Variants in ASB5 observed in about 807,000 individuals in gnomAD.
The protein encoded by ASB5 is ankyrin repeat and SOCS box containing 5, also known as ankyrin repeat and SOCS box protein 5.
ASB5 carries 45 observed loss-of-function variants against 42.1 expected under a neutral mutation model. The ratio of observed to expected loss-of-function variants is 1.07; its 90% CI spans 0.84 to 1.37. The LOEUF is 1.37. ASB5 is among the 40% of genes most tolerant of loss of function. ASB5 has a pLI of 0.00. For synonymous variants in ASB5, 147 were observed against 150.6 expected (o/e 0.98, Z 0.18); for missense variants, 402 against 399.8 (o/e 1.01, Z -0.05).
chr4:176,228,058 A>G (rs907664218), intron 1 of ASB5, among the ~76,000 whole-genome samples: 2 of 152,240 alleles, frequency 1.3e-5, no homozygotes, highest in African/African-American at 4.8e-5. Flanking sequence ...TCCATGCTAA[A>G]TTGTAAGTAA....
At chr4:176,274,569 C>T (rs1324869282) in intron 2 of ASB5, among the ~76,000 whole-genome samples, 1 of 152,140 alleles carries the variant, frequency 6.6e-6, no homozygotes. Context: ...GGTTATTATT[C>T]AGATGTTAGT....
chr4:176,248,808 T>A (rs1387295057), intron 1 of ASB5, among the ~76,000 whole-genome samples: 3 of 152,118 alleles, frequency 2.0e-5, no homozygotes, highest in Admixed American at 6.6e-5. Flanking sequence ...GCATAGGAGC[T>A]GAAACTAAAG....
At position 176,264,631 on chromosome 4, in the gene ASB5, C is replaced by A. The variant is rs183935041; in HGVS notation, c.196+4282G>T. Among the ~76,000 whole-genome samples, 35 of 152,228 alleles carry A rather than the reference C, an allele frequency of 2.3e-4. 1 individual carries two copies. In the East Asian group the frequency reaches 6.8e-3, roughly 29 times the overall value. On this transcript the variant is annotated intron_variant, in intron 1 of 6. Transcript: ENST00000296525. ...TTTCCCAGTAGGGATAGGTATGTAA[C>A]CTACCAGACTCACCAAGCTCTAAGG...
chr4:176,230,905 T>C (rs1753524938), intron 1 of ASB5, among the ~76,000 whole-genome samples: 1 of 152,220 alleles, frequency 6.6e-6, no homozygotes. Flanking sequence ...ATTTAACTCT[T>C]TAGGATAAAT....
Position 176,219,575 on chromosome 4 carries a change from G to GATATATAT in ASB5, c.670+1572_670+1579dup, listed in dbSNP as rs71597433. On this transcript the variant is annotated intron_variant, in intron 5 of 6. Coordinates refer to ENST00000296525, the MANE Select transcript of ASB5 (RefSeq NM_080874.4). Reference sequence around the variant, plus strand: ...TATATAAATATGTATATATTTGTATGATATATATATATATATATATATATA... The same window carrying GATATATAT: ...TATATAAATATGTATATATTTGTATGATATATATATATATATATATATATATATATATA... Among the ~76,000 whole-genome samples the GATATATAT allele has an allele frequency of 6.7e-4, 4 of 6,004 alleles. 1 individual carries two copies. Among genetic ancestry groups the GATATATAT allele is most frequent in the Non-Finnish European group, 6.3e-4 (2 of 3,156 alleles). 3.9% of individuals were successfully genotyped at this position (6,004 alleles called of 152,430 possible).
chr4:176,242,347 A>G (rs191167414), intron 1 of ASB5, among the ~76,000 whole-genome samples: 60 of 152,262 alleles, frequency 3.9e-4, no homozygotes, highest in African/African-American at 1.4e-3. Flanking sequence ...TTCCACCTGT[A>G]ATGCTTGGTA....
exon 1 of ASB5, chr4:176,277,406 C>G (rs918359481): frequency 2.6e-5 from 4 of 152,192 alleles, no homozygotes; most frequent in Non-Finnish European, 4.4e-5. Flanking sequence ...TTAAACTCAT[C>G]AGCTGACACA....
chr4:176,236,290 A>T (rs1753682888), intron 1 of ASB5, among the ~76,000 whole-genome samples: 1 of 152,054 alleles, frequency 6.6e-6, no homozygotes, highest in Non-Finnish European at 1.5e-5. Context: ...TTATTTCTTT[A>T]ATAATTGCAT....
At chr4:176,253,963 G>T (rs759042331) in intron 1 of ASB5, among the ~76,000 whole-genome samples, 1 of 152,162 alleles carries the variant, frequency 6.6e-6, no homozygotes, top group Admixed American at 6.5e-5. Flanking sequence ...AATCAGTATC[G>T]TTAAAATGGC....
intron 1 of ASB5, chr4:176,249,621 G>C (rs1309521034): frequency 6.6e-6 from 1 of 152,090 alleles, no homozygotes; most frequent in Non-Finnish European, 1.5e-5. Context: ...GAAGTAACAG[G>C]GCATCCGAGA....
intron 2 of ASB5, among the ~76,000 whole-genome samples, chr4:176,223,587 T>C (rs571533915): frequency 6.6e-6 from 1 of 152,322 alleles, no homozygotes; most frequent in African/African-American, 2.4e-5. Context: ...TCATAACATA[T>C]TACAGATCAC....
chr4:176,260,178 G>T (rs1287559091), intron 1 of ASB5, among the ~76,000 whole-genome samples: 2 of 152,128 alleles, frequency 1.3e-5, no homozygotes, highest in Non-Finnish European at 2.9e-5. Flanking sequence ...AACTTATGAA[G>T]ATTTATGAAA....
At chr4:176,231,137 C>T (rs1320100323) in intron 1 of ASB5, among the ~76,000 whole-genome samples, 3 of 152,026 alleles carry the variant, frequency 2.0e-5, no homozygotes, top group Admixed American at 6.6e-5. Context: ...TATATCTATG[C>T]GATTTTGTAA....
chr4:176,248,841 T>C (rs1753962922), intron 1 of ASB5, among the ~76,000 whole-genome samples: 1 of 152,224 alleles, frequency 6.6e-6, no homozygotes, highest in Non-Finnish European at 1.5e-5. Flanking sequence ...ATGATTACTA[T>C]AAAAACTAGT....
intron 1 of ASB5, among the ~76,000 whole-genome samples, chr4:176,266,788 T>C (rs184367672): frequency 1.6e-3 from 246 of 152,280 alleles, no homozygotes; most frequent in Middle Eastern, 0.014. Context: ...TTCCATTTTA[T>C]ATTTCCAGGA....
At chr4:176,251,899 C>T (rs1488638736) in intron 1 of ASB5, among the ~76,000 whole-genome samples, 1 of 150,898 alleles carries the variant, frequency 6.6e-6, no homozygotes, top group Admixed American at 6.6e-5. Flanking sequence ...GATCCCATCT[C>T]CACAAAAAAT....
At position 176,230,742 on chromosome 4, in the gene ASB5, T is replaced by C. The variant is rs371648631; in HGVS notation, c.197-5401A>G. On this transcript the variant is annotated intron_variant, in intron 1 of 6. Transcript: ENST00000296525. ...AATATCTTATCTTTCAATATCAATA[T>C]GCTTTATATCAGAGAGATTTACGAG... Among the ~76,000 whole-genome samples, 28 of 152,348 alleles carry C rather than the reference T, an allele frequency of 1.8e-4. 2 individuals are homozygous for C. The South Asian group carries it at 5.8e-3, about 32-fold the overall frequency.
At chr4:176,225,909 T>G (rs528233588) in intron 1 of ASB5, among the ~76,000 whole-genome samples, 1 of 152,242 alleles carries the variant, frequency 6.6e-6, no homozygotes, top group African/African-American at 2.4e-5. Flanking sequence ...TTTTGAATTA[T>G]CTGCACTCAC....
chr4:176,265,451 A>G (rs958584999), intron 1 of ASB5, among the ~76,000 whole-genome samples: 1 of 152,206 alleles, frequency 6.6e-6, no homozygotes, highest in Admixed American at 6.6e-5. Flanking sequence ...AAACTTAAGG[A>G]TGAGAACAAT....
Sources: allele counts gnomAD v4.1 joint callset (sites outside exome capture counted in the v4.1 genomes callset), GRCh38; gene constraint gnomAD v4.1.1; transcripts MANE v1.5; gene names NCBI Gene and HGNC (gene_info 2026-07-23, HGNC 2026-07-21).